The following ARHGEF7 variants were observed in gnomAD, a reference collection of about 807,000 sequenced individuals.
The protein encoded by ARHGEF7 is PAK-interacting exchange factor beta.
ARHGEF7 carries 33 observed loss-of-function variants against 109.8 expected under a neutral mutation model. The ratio of observed to expected loss-of-function variants is 0.30; its 90% CI spans 0.23 to 0.40. The LOEUF (loss-of-function observed/expected upper bound fraction) is 0.40. ARHGEF7 is among the 10% of genes least tolerant of loss of function. The pLI is 1.00. For missense variants in ARHGEF7, 938 were observed against 1,098.5 expected (o/e 0.85, Z 2.07); for synonymous variants, 458 against 424.6 (o/e 1.08, Z -0.97).
chr13:111,248,889 T>C (rs1027640676), intron 8 of ARHGEF7, among the ~76,000 whole-genome samples: 10 of 152,232 alleles, frequency 6.6e-5, no homozygotes, highest in Non-Finnish European at 1.5e-4. Context: ...TCCTGTTTAC[T>C]GTGGGTTGTA....
chr13:111,158,929 T>G (rs1437785564), intron 2 of ARHGEF7: 2 of 668,298 alleles, frequency 3.0e-6, no homozygotes, highest in East Asian at 5.5e-5. Flanking sequence ...TATTGTTAAC[T>G]GTAGTCACCT....
At chr13:111,242,254 C>T (rs2087919328) in intron 6 of ARHGEF7, among the ~76,000 whole-genome samples, 1 of 152,132 alleles carries the variant, frequency 6.6e-6, no homozygotes, top group Admixed American at 6.5e-5. Flanking sequence ...GTGATTTAAT[C>T]AGATTTGCAT....
intron 4 of ARHGEF7, among the ~76,000 whole-genome samples, chr13:111,212,240 G>A (rs1225070001): frequency 2.0e-5 from 3 of 152,084 alleles, no homozygotes; most frequent in Non-Finnish European, 2.9e-5. Context: ...TGTCTGCGGT[G>A]CCCCTCCACC....
chr13:111,129,779 A>C (rs1050876880), intron 1 of ARHGEF7, among the ~76,000 whole-genome samples: 18 of 152,244 alleles, frequency 1.2e-4, no homozygotes, highest in African/African-American at 3.9e-4. Context: ...GACAGTGGGA[A>C]GGTAAAATTG....
chr13:111,205,317 G>A lies in ARHGEF7; in HGVS notation c.281G>A (p.Gly94Glu). The A allele has an allele frequency of 6.2e-7, 1 of 1,602,344 alleles. No individual in the cohort carries two copies. The highest frequency in any genetic ancestry group is 2.3e-5 in the East Asian group (1 of 44,444). ...ETFDANDLYQGQNFNKVLSSL... is the reference protein window; with the variant it reads ...ETFDANDLYQEQNFNKVLSSL... ...TTTGATGCAAATGATTTGTATCAGG[G>A]GCAGAATTTTAACAAGGTCCTCAGT... Residue 94 changes from glycine to glutamate, a missense_variant, in exon 3 of 22, where the codon GGG becomes GAG. Gly to Glu is a moderately conservative substitution (Grantham distance 98, BLOSUM62 -2). Coordinates refer to ENST00000646102, the MANE Select transcript of ARHGEF7 (RefSeq NM_001354046.2).
At chr13:111,149,756 C>T (rs896764199) in intron 1 of ARHGEF7, among the ~76,000 whole-genome samples, 4 of 152,180 alleles carry the variant, frequency 2.6e-5, no homozygotes, top group Admixed American at 2.6e-4. Context: ...CACATGCACA[C>T]AATACACATA....
chr13:111,232,045 A>G (rs1287241119), intron 5 of ARHGEF7, among the ~76,000 whole-genome samples: 4 of 152,188 alleles, frequency 2.6e-5, no homozygotes, highest in African/African-American at 4.8e-5. Flanking sequence ...AACCAATGTT[A>G]GATGTACAGA....
intron 1 of ARHGEF7, among the ~76,000 whole-genome samples, chr13:111,137,019 C>T (rs1445106870): frequency 6.6e-6 from 1 of 152,186 alleles, no homozygotes; most frequent in East Asian, 1.9e-4. Context: ...TTCCTCAACA[C>T]ATACACCCTC....
intron 6 of ARHGEF7, among the ~76,000 whole-genome samples, chr13:111,241,982 G>C (rs759629779): frequency 1.3e-5 from 2 of 152,136 alleles, no homozygotes; most frequent in African/African-American, 2.4e-5. Flanking sequence ...TTCGAGTAGC[G>C]TCTCTGGGGT....
At chr13:111,252,261 C>G (rs150062474) in intron 8 of ARHGEF7, among the ~76,000 whole-genome samples, 2 of 152,372 alleles carry the variant, frequency 1.3e-5, no homozygotes, top group African/African-American at 2.4e-5. Flanking sequence ...CCTTCCACTT[C>G]TCTAAGCTTT....
intron 8 of ARHGEF7, among the ~76,000 whole-genome samples, chr13:111,263,037 G>A (rs900613753): frequency 3.3e-5 from 5 of 152,206 alleles, no homozygotes; most frequent in African/African-American, 4.8e-5. Flanking sequence ...AGAGAGAACC[G>A]AGGGGAACAT....
intron 1 of ARHGEF7, among the ~76,000 whole-genome samples, chr13:111,129,789 G>T (rs1291670758): frequency 1.1e-4 from 16 of 152,328 alleles, no homozygotes; most frequent in Non-Finnish European, 1.5e-5. Context: ...AGGTAAAATT[G>T]TACAACTGCT....
chr13:111,193,405 C>G (rs1243303095), intron 2 of ARHGEF7, among the ~76,000 whole-genome samples: 1 of 152,256 alleles, frequency 6.6e-6, no homozygotes, highest in African/African-American at 2.4e-5. Flanking sequence ...TCACTTCCTT[C>G]TGCCTTTTCT....
intron 2 of ARHGEF7, among the ~76,000 whole-genome samples, chr13:111,154,699 G>A (rs966711471): frequency 1.3e-5 from 2 of 152,122 alleles, no homozygotes; most frequent in African/African-American, 4.8e-5. Context: ...CAGTTTCTGG[G>A]AATTTAACTC....
chr13:111,154,184 G>C (rs544593379), intron 2 of ARHGEF7, among the ~76,000 whole-genome samples, 193 bp downstream of exon 2: 13 of 152,336 alleles, frequency 8.5e-5, no homozygotes, highest in Non-Finnish European at 1.8e-4. Context: ...GGCGGCGCGC[G>C]GGCCACCCCC....
At chr13:111,205,204 A>G (rs2081663186) in intron 2 of ARHGEF7, 85 bp from the exon 3 acceptor site, 2 of 1,027,860 alleles carry the variant, frequency 1.9e-6, no homozygotes, top group Admixed American at 2.5e-5. Context: ...CAGGCTGAGC[A>G]TCGTCGCGTT....
intron 16 of ARHGEF7, among the ~76,000 whole-genome samples, chr13:111,284,023 T>C (rs1403956966): frequency 6.6e-6 from 1 of 152,216 alleles, no homozygotes; most frequent in Non-Finnish European, 1.5e-5. Context: ...GAAGTGTCTT[T>C]AGAAATCTGT....
In ARHGEF7 at chr13:111,258,106, C is replaced by T. The variant is rs1021724507; in HGVS notation, c.951-9442C>T. 2.0e-5 allele frequency among the ~76,000 whole-genome samples: 3 copies of T among 152,122 alleles called. No homozygotes were observed. The highest frequency in any genetic ancestry group is 4.4e-5 in the Non-Finnish European group (3 of 68,012). Reference sequence around the variant, plus strand: ...CTCAGCCGGGGCAGCCAAGGGAGGCCTTGCACCACCCTCCCACAGCCACAG... The same window carrying T: ...CTCAGCCGGGGCAGCCAAGGGAGGCTTTGCACCACCCTCCCACAGCCACAG... On this transcript the variant is annotated intron_variant, in intron 8 of 21. Transcript: ENST00000646102. This position sits in a 1 kb window ranked among gnomAD's most constrained non-coding sequence, Gnocchi z 4.4.
chr13:111,297,207 A>G (rs905826453), intron 19 of ARHGEF7, among the ~76,000 whole-genome samples: 1 of 152,188 alleles, frequency 6.6e-6, no homozygotes, highest in Admixed American at 6.5e-5. Context: ...TTTTAGAAAA[A>G]CTGTATGTTG....
Sources: gnomAD v4.1 joint callset for allele counts (sites outside exome capture counted in the v4.1 genomes callset) on GRCh38, gnomAD v4.1.1 for gene constraint, Gnocchi (gnomAD v3.1) non-coding constraint, MANE v1.5 for transcripts, NCBI Gene and HGNC (gene_info 2026-07-23, HGNC 2026-07-21) for gene names.